The following RBFOX1 variants were observed in gnomAD, a reference collection of about 807,000 sequenced individuals.
The protein encoded by RBFOX1 is RNA binding fox-1 homolog 1.
In RBFOX1, 8 loss-of-function variants were observed where a neutral mutation model predicts 57.7. That is an observed-to-expected ratio of 0.14 (90% CI 0.08 to 0.25). RBFOX1 has a LOEUF of 0.25. Among genes scored for constraint, RBFOX1 ranks in the 10% least tolerant of loss-of-function variants. The probability of loss-of-function intolerance (pLI) is 1.00; values close to 1 mark genes in which losing one functional copy is unlikely to be tolerated. For missense variants in RBFOX1, 611 were observed against 548.5 expected (o/e 1.11, Z -1.14); for synonymous variants, 326 against 222.4 (o/e 1.47, Z -4.15).
chr16:6,567,811 T>A (rs948381136), intron 2 of RBFOX1, among the ~76,000 whole-genome samples: 2 of 152,102 alleles, frequency 1.3e-5, no homozygotes, highest in Non-Finnish European at 2.9e-5. Context: ...CCCCACTATT[T>A]TTTTAAAATT....
intron 4 of RBFOX1, among the ~76,000 whole-genome samples, chr16:7,364,500 C>G (rs1000791398): frequency 3.3e-5 from 5 of 149,396 alleles, no homozygotes; most frequent in Non-Finnish European, 1.5e-5. Flanking sequence ...TACTAGAAAT[C>G]TACTTGGACT....
intron 2 of RBFOX1, among the ~76,000 whole-genome samples, chr16:6,322,035 A>C (rs1413264295): frequency 6.6e-6 from 1 of 152,136 alleles, no homozygotes; most frequent in Non-Finnish European, 1.5e-5. Flanking sequence ...CTTCTCAGGA[A>C]CCTCAGTCCC....
chr16:7,207,755 A>AT (rs2090290447), intron 4 of RBFOX1, among the ~76,000 whole-genome samples: 1 of 152,194 alleles, frequency 6.6e-6, no homozygotes, highest in South Asian at 2.1e-4. Context: ...GCCAGGGTTA[A>AT]TTTGCCTGTT....
intron 3 of RBFOX1, among the ~76,000 whole-genome samples, chr16:5,849,578 T>C (rs973328241): frequency 6.6e-6 from 1 of 152,184 alleles, no homozygotes; most frequent in East Asian, 1.9e-4. Flanking sequence ...CAAGTCTTGG[T>C]TTTTCTGACT....
chr16:5,589,696 A>G (rs2046943943), intron 2 of RBFOX1, among the ~76,000 whole-genome samples: 1 of 152,162 alleles, frequency 6.6e-6, no homozygotes, highest in South Asian at 2.1e-4. Context: ...GCATTCTGTA[A>G]GGTTACCTAG....
chr16:6,581,031 G>T (rs896842359), intron 2 of RBFOX1, among the ~76,000 whole-genome samples: 1 of 151,612 alleles, frequency 6.6e-6, no homozygotes, highest in Non-Finnish European at 1.5e-5. Context: ...GATTTTAGAA[G>T]AATGCTGTAA....
chr16:6,705,941 C>T (rs1350319454), intron 3 of RBFOX1, among the ~76,000 whole-genome samples: 1 of 152,138 alleles, frequency 6.6e-6, no homozygotes, highest in Non-Finnish European at 1.5e-5. Flanking sequence ...GCACTTGAGC[C>T]TGGGAGGTGG....
chr16:5,415,715 A>G (rs1463868687), intron 1 of RBFOX1, among the ~76,000 whole-genome samples: 2 of 152,238 alleles, frequency 1.3e-5, no homozygotes, highest in South Asian at 2.1e-4. Context: ...CTAAAAGTAA[A>G]TGTGTTTATG....
At chr16:7,432,614 G>A (rs563959821) in intron 4 of RBFOX1, among the ~76,000 whole-genome samples, 4 of 152,234 alleles carry the variant, frequency 2.6e-5, no homozygotes, top group Non-Finnish European at 4.4e-5. Flanking sequence ...CCATTTTAGT[G>A]TGAAAGCAGT....
At chr16:7,004,342 C>T (rs906816918) in intron 3 of RBFOX1, among the ~76,000 whole-genome samples, 13 of 152,156 alleles carry the variant, frequency 8.5e-5, no homozygotes, top group Non-Finnish European at 1.5e-4. Context: ...AACTCCTCAA[C>T]ATCAGGGTAA....
intron 1 of RBFOX1, among the ~76,000 whole-genome samples, chr16:5,393,184 G>A (rs1159024503): frequency 1.3e-5 from 2 of 152,106 alleles, no homozygotes; most frequent in African/African-American, 4.8e-5. Context: ...TGATGGCTGT[G>A]AGTGCCATCA....
intron 2 of RBFOX1, among the ~76,000 whole-genome samples, chr16:6,532,077 G>C (rs1205428276): frequency 6.6e-6 from 1 of 152,154 alleles, no homozygotes; most frequent in Non-Finnish European, 1.5e-5. Context: ...TTCTGCTCCA[G>C]TTCTGGATCC....
chr16:6,926,311 AAAAAAC>A (rs946086532), intron 3 of RBFOX1, among the ~76,000 whole-genome samples: 32 of 152,210 alleles, frequency 2.1e-4, no homozygotes, highest in Admixed American at 1.2e-3. Context: ...CATCTCAAAG[AAAAAAC>A]AAAAACAAAA....
At chr16:6,532,545 A>G (rs1362335) in intron 2 of RBFOX1, among the ~76,000 whole-genome samples, 146,952 of 152,238 alleles carry the variant, frequency 0.97, 71,092 homozygotes, top group Non-Finnish European at 1. Context: ...CCCTTTAAAT[A>G]TTCATCTCCC....
rs58976913 is a variant in RBFOX1 at position 7,412,050 on chromosome 16, C to T, written c.28-106097C>T. Among the ~76,000 whole-genome samples, 1,402 of 152,164 alleles carry T rather than the reference C, an allele frequency of 9.2e-3. 18 individuals are homozygous for T. Among genetic ancestry groups the T allele is most frequent in the African/African-American group, 0.032 (1,339 of 41,504 alleles). Reference sequence around the variant, plus strand: ...AAAGGACATTAGATGAAAACTAAAGCAATCGAAGTATAGGCTGTAGTTAAT... The same window carrying T: ...AAAGGACATTAGATGAAAACTAAAGTAATCGAAGTATAGGCTGTAGTTAAT... On this transcript the variant is annotated intron_variant, in intron 4 of 15. Transcript: ENST00000550418.
intron 3 of RBFOX1, among the ~76,000 whole-genome samples, chr16:5,621,225 C>G (rs891545074): frequency 6.6e-6 from 1 of 152,162 alleles, no homozygotes; most frequent in Non-Finnish European, 1.5e-5. Flanking sequence ...GATCTTCCCA[C>G]CTCAACCTCC....
At chr16:6,022,012 G>T (rs557143703) in intron 1 of RBFOX1, among the ~76,000 whole-genome samples, 5 of 152,202 alleles carry the variant, frequency 3.3e-5, no homozygotes, top group African/African-American at 9.6e-5. Context: ...ATACACACAC[G>T]TTTTCTTTTA....
At chr16:5,684,927 G>T (rs1224768683) in intron 3 of RBFOX1, among the ~76,000 whole-genome samples, 1 of 152,150 alleles carries the variant, frequency 6.6e-6, no homozygotes, top group African/African-American at 2.4e-5. Context: ...CAGCGTATGA[G>T]ACACAGTTTA....
chr16:7,194,288 C>T (rs1191565461), intron 4 of RBFOX1, among the ~76,000 whole-genome samples: 1 of 152,122 alleles, frequency 6.6e-6, no homozygotes, highest in Non-Finnish European at 1.5e-5. Context: ...TTATGGCTAC[C>T]TTTTATTCAG....
Sources: gnomAD v4.1 joint callset for allele counts (sites outside exome capture counted in the v4.1 genomes callset) on GRCh38, gnomAD v4.1.1 for gene constraint, MANE v1.5 for transcripts, NCBI Gene and HGNC (gene_info 2026-07-23, HGNC 2026-07-21) for gene names.